The following YY1AP1 variants were observed in gnomAD, a reference collection of about 807,000 sequenced individuals.
YY1AP1 encodes YY1 associated protein 1.
Under a neutral mutation model 39.9 loss-of-function variants are expected in YY1AP1, and 43 were observed. That is an observed-to-expected ratio of 1.08 (90% CI 0.84 to 1.39). YY1AP1 has a LOEUF of 1.39. YY1AP1 is among the 40% of genes most tolerant of loss of function. The pLI is 0.00. For synonymous variants in YY1AP1, 292 were observed against 331.3 expected (o/e 0.88, Z 1.29); for missense variants, 813 against 900.7 (o/e 0.90, Z 1.25).
intron 7 of YY1AP1, among the ~76,000 whole-genome samples, chr1:155,671,621 T>C (rs1649876106): frequency 6.6e-6 from 1 of 152,134 alleles, no homozygotes; most frequent in African/African-American, 2.4e-5. Flanking sequence ...TCTCCCTCTC[T>C]CAGCCTCTCA....
In YY1AP1 at chr1:155,672,152, GTAAA is replaced by G; in HGVS notation, c.583+404_583+407del. 6 of 285,772 alleles carry G rather than the reference GTAAA, an allele frequency of 2.1e-5. No individual in the cohort carries two copies. In the South Asian group the frequency reaches 2.2e-4, roughly 10 times the overall value. 17.7% of individuals were successfully genotyped at this position (285,772 alleles called of 1,614,324 possible). A position where few individuals can be genotyped will look rare whatever the true frequency, so the allele number is the denominator to read the frequency against. ...TATCACCTATGCTACAATCATTATG[GTAAA>G]TAAAGTTAGTTGATCTTAATGAAGA... On this transcript the variant is annotated intron_variant, in intron 7 of 10. Coordinates refer to ENST00000355499, the MANE Select transcript of YY1AP1 (RefSeq NM_139119.3).
At chr1:155,661,514 G>GAAACACACACACACACAC in intron 9 of YY1AP1, 91 bp from the exon 10 acceptor site, 1 of 1,253,956 alleles carries the variant, frequency 8.0e-7, no homozygotes, top group Non-Finnish European at 1.1e-6. Context: ...TGGATCAAGA[G>GAAACACACACACACACAC]AAACACACAC....
chr1:155,676,139 G>C (rs1010669903), intron 5 of YY1AP1, among the ~76,000 whole-genome samples: 1 of 151,824 alleles, frequency 6.6e-6, no homozygotes, highest in Non-Finnish European at 1.5e-5. Context: ...GGAGAATGGC[G>C]TGAACCCGGG....
chr1:155,674,974 T>C, intron 6 of YY1AP1, 36 bp downstream of exon 6: 2 of 1,553,408 alleles, frequency 1.3e-6, no homozygotes, highest in South Asian at 2.2e-5. Context: ...AATTTTATAT[T>C]CTAGTCTATA....
Position 155,660,592 on chromosome 1 carries a change from C to T in YY1AP1, c.1318G>A (p.Glu440Lys). 6.2e-7 allele frequency: 1 copy of T among 1,614,160 alleles called. No individual in the cohort carries two copies. The highest frequency in any genetic ancestry group is 8.5e-7 in the Non-Finnish European group (1 of 1,180,022). ...AGCACCATTTTGCTCGGAGGGGCTT[C>T]TGAATGAGTTGATTGGGCTGGTGTT... ...GKTPAQSTHSEAPPSKMVLRI... is the reference protein window; with the variant it reads ...GKTPAQSTHSKAPPSKMVLRI... Residue 440 changes from glutamate (E) to lysine (K), a missense_variant, in exon 11 of 11, where the codon GAA (glutamate) becomes AAA (lysine). Transcript: ENST00000355499.
At chr1:155,667,933 T>TACAG (rs1289885058) in intron 9 of YY1AP1, among the ~76,000 whole-genome samples, 14 of 142,078 alleles carry the variant, frequency 9.9e-5, no homozygotes, top group African/African-American at 1.4e-4. Context: ...CATACATACA[T>TACAG]ACAGACACAG....
chr1:155,674,976 T>C (rs190474359), intron 6 of YY1AP1, 34 bp downstream of exon 6: 47 of 1,562,544 alleles, frequency 3.0e-5, no homozygotes, highest in Admixed American at 5.0e-5. Context: ...TTTTATATTC[T>C]AGTCTATAGA....
Position 155,668,511 on chromosome 1 carries a change from G to T in YY1AP1, c.879+116C>A, listed in dbSNP as rs1649386731. 67 of 1,516,260 alleles carry T rather than the reference G, an allele frequency of 4.4e-5. No homozygotes were observed. The South Asian group carries it at 7.5e-4, about 17-fold the overall frequency. 93.9% of individuals were successfully genotyped at this position (1,516,260 alleles called of 1,614,324 possible). ...ACAGGGGAATTAATCTAGTATATAA[G>T]TAGGAGAAATTAGCTTTAGATAAAA... On this transcript the variant is annotated intron_variant, in intron 9 of 10. Transcript: ENST00000355499.
chr1:155,674,940 C>G (rs1650419819), intron 6 of YY1AP1, 70 bp downstream of exon 6: 4 of 1,384,234 alleles, frequency 2.9e-6, no homozygotes, highest in Non-Finnish European at 4.1e-6. Flanking sequence ...GAGAGAATAA[C>G]TGTGAGAAAT....
chr1:155,673,890 G>A (rs189789371), intron 6 of YY1AP1, among the ~76,000 whole-genome samples: 42 of 152,034 alleles, frequency 2.8e-4, no homozygotes, highest in East Asian at 7.8e-4. Context: ...GGCCGGGCGC[G>A]GTGGCTCACG....
At chr1:155,684,686 A>C (rs1207350909) in intron 2 of YY1AP1, among the ~76,000 whole-genome samples, 1 of 151,874 alleles carries the variant, frequency 6.6e-6, no homozygotes, top group Non-Finnish European at 1.5e-5. Flanking sequence ...TCTTGGTTCA[A>C]GCAATTCTCG....
intron 2 of YY1AP1, among the ~76,000 whole-genome samples, chr1:155,681,009 A>G (rs901545146): frequency 2.6e-5 from 4 of 152,122 alleles, no homozygotes; most frequent in Admixed American, 2.6e-4. Flanking sequence ...GGAAGAAGAC[A>G]AGGAGAAAAT....
chr1:155,672,941 T>C (rs1426303097), intron 6 of YY1AP1, among the ~76,000 whole-genome samples: 1 of 152,214 alleles, frequency 6.6e-6, no homozygotes, highest in Non-Finnish European at 1.5e-5. Context: ...TTTTAAACTG[T>C]TTCTCACTAA....
rs1464424187 is a variant in YY1AP1 at position 155,684,585 on chromosome 1, T to G, written c.-21+3486A>C. On this transcript the variant is annotated intron_variant, in intron 2 of 10. Coordinates refer to ENST00000355499, the MANE Select transcript of YY1AP1 (RefSeq NM_139119.3). ...ACATTTCTTGCTTTTTTTTTTTTTTTTGTGAGACAGAGTGTTGCTCTGATG... is the reference window on the plus strand; with the variant it reads ...ACATTTCTTGCTTTTTTTTTTTTTTGTGTGAGACAGAGTGTTGCTCTGATG... 4.6e-5 allele frequency among the ~76,000 whole-genome samples: 7 copies of G among 151,852 alleles called. No individual in the cohort carries two copies. In the East Asian group the frequency reaches 5.8e-4, roughly 13 times the overall value.
intron 2 of YY1AP1, among the ~76,000 whole-genome samples, chr1:155,680,794 T>TGAGCTCCA (rs1433291359): frequency 6.6e-6 from 1 of 152,186 alleles, no homozygotes; most frequent in Admixed American, 6.5e-5. Flanking sequence ...CTTGAACTCC[T>TGAGCTCCA]GAGCTCCAGT....
rs138338778 is a variant in YY1AP1 at position 155,669,974 on chromosome 1, G to C, written c.728+346C>G. 5.4e-3 allele frequency among the ~76,000 whole-genome samples: 819 copies of C among 152,276 alleles called. 8 individuals are homozygous for C. The highest frequency in any genetic ancestry group is 0.019 in the African/African-American group (776 of 41,540). ...CAGGAGTTCAAGGCTGCAGTGAGCT[G>C]TGATTGCAACACTGTACTCCAGCCT... On this transcript the variant is annotated intron_variant, in intron 8 of 10. Coordinates refer to ENST00000355499, the MANE Select transcript of YY1AP1 (RefSeq NM_139119.3).
At chr1:155,669,117 T>C (rs1358036567) in intron 8 of YY1AP1, among the ~76,000 whole-genome samples, 1 of 152,226 alleles carries the variant, frequency 6.6e-6, no homozygotes, top group Non-Finnish European at 1.5e-5. Flanking sequence ...CACTGCAGTC[T>C]TGAATGCCTG....
At position 155,659,692 on chromosome 1, in the gene YY1AP1, C is replaced by T; in HGVS notation, c.2218G>A (p.Glu740Lys). 1 of 1,614,232 alleles carries T rather than the reference C, an allele frequency of 6.2e-7. No homozygotes were observed. Among genetic ancestry groups the T allele is most frequent in the African/African-American group, 1.3e-5 (1 of 75,068 alleles). Residue 740 changes from glutamate to lysine, a missense_variant, in exon 11 of 11, where the codon GAA becomes AAA. Physicochemically the swap from Glu to Lys is moderately conservative, Grantham distance 56. Coordinates refer to ENST00000355499, the MANE Select transcript of YY1AP1 (RefSeq NM_139119.3). ...CCACTGATTTCCTCTGTAGCATCTT[C>T]AGGTTCCATCTTGACAACTTCCTCT... is the stretch of plus-strand genomic sequence containing the variant. ...DLEEVVKMEP[E>K]DATEEISGFL is the part of the protein sequence containing the mutation.
At chr1:155,674,215 A>G (rs1314978397) in intron 6 of YY1AP1, among the ~76,000 whole-genome samples, 2 of 151,796 alleles carry the variant, frequency 1.3e-5, no homozygotes, top group East Asian at 3.9e-4. Context: ...GTCATGAGCA[A>G]AACTAGCTCT....
Sources: gnomAD v4.1 joint callset for allele counts (sites outside exome capture counted in the v4.1 genomes callset) on GRCh38, gnomAD v4.1.1 for gene constraint, MANE v1.5 for transcripts, NCBI Gene and HGNC (gene_info 2026-07-23, HGNC 2026-07-21) for gene names.